The following KCNMA1 variants were observed in gnomAD, a reference collection of about 807,000 sequenced individuals.
KCNMA1 encodes the protein potassium calcium-activated channel subfamily M alpha 1, also known as Calcium-activated potassium channel subunit alpha-1.
KCNMA1 carries 29 observed loss-of-function variants against 140.0 expected under a neutral mutation model. That is an observed-to-expected ratio of 0.21 (90% CI 0.15 to 0.28). The LOEUF is 0.28. KCNMA1 is among the 10% of genes least tolerant of loss of function. The probability of loss-of-function intolerance (pLI) is 1.00; values close to 1 mark genes in which losing one functional copy is unlikely to be tolerated. For missense variants in KCNMA1, 880 were observed against 1,602.2 expected, an observed-to-expected ratio of 0.55 and a Z score of 7.70; for synonymous variants, 612 against 611.9, an observed-to-expected ratio of 1.00 and a Z score of 0.00.
At chr10:76,941,018 G>GAAGGAAGGAAGAAAGA (rs1554960623) in intron 23 of KCNMA1, among the ~76,000 whole-genome samples, 7 of 38,232 alleles carry the variant, frequency 1.8e-4, no homozygotes, top group African/African-American at 6.7e-4. Context: ...AGGAAGGAAG[G>GAAGGAAGGAAGAAAGA]AAGAAAGAAA....
intron 20 of KCNMA1, among the ~76,000 whole-genome samples, chr10:76,954,778 G>T (rs1159758737): frequency 1.3e-5 from 2 of 152,122 alleles, no homozygotes; most frequent in Non-Finnish European, 2.9e-5. Context: ...GCCCTCTATT[G>T]CCTTGTCTAT....
intron 18 of KCNMA1, among the ~76,000 whole-genome samples, chr10:77,003,695 G>A (rs115983427): frequency 3.9e-4 from 60 of 152,210 alleles, no homozygotes; most frequent in African/African-American, 1.3e-3. Context: ...CATTAGCAAC[G>A]GTCCCTGGTT....
At chr10:77,413,633 T>C (rs1440204423) in intron 1 of KCNMA1, among the ~76,000 whole-genome samples, 1 of 152,118 alleles carries the variant, frequency 6.6e-6, no homozygotes, top group African/African-American at 2.4e-5. Context: ...GACCCAGGTC[T>C]TTCCTAGAGC....
intron 1 of KCNMA1, among the ~76,000 whole-genome samples, chr10:77,545,106 C>A (rs1440686005): frequency 6.6e-6 from 1 of 152,158 alleles, no homozygotes; most frequent in Non-Finnish European, 1.5e-5. Context: ...ATGTACTTAA[C>A]TATATGCTAT....
intron 5 of KCNMA1, among the ~76,000 whole-genome samples, chr10:77,158,815 T>TGAGG (rs1430961239): frequency 6.6e-6 from 1 of 152,062 alleles, no homozygotes; most frequent in African/African-American, 2.4e-5. Context: ...TAGCTCTCTT[T>TGAGG]GAGGGAGGGA....
chr10:77,502,031 C>A (rs780278981), intron 1 of KCNMA1, among the ~76,000 whole-genome samples: 1 of 152,202 alleles, frequency 6.6e-6, no homozygotes, highest in Non-Finnish European at 1.5e-5. Context: ...GTATCCCCCT[C>A]CTCTGCCAGG....
intron 1 of KCNMA1, among the ~76,000 whole-genome samples, chr10:77,482,986 TCACA>T (rs1567085317): frequency 1.3e-5 from 1 of 75,418 alleles, no homozygotes; most frequent in Non-Finnish European, 2.4e-5. Context: ...TCTCTCTCTC[TCACA>T]TACACACACA....
intron 23 of KCNMA1, among the ~76,000 whole-genome samples, chr10:76,925,933 C>T (rs1401697828): frequency 6.6e-6 from 1 of 152,246 alleles, no homozygotes; most frequent in African/African-American, 2.4e-5. Flanking sequence ...TTTCAGCCAG[C>T]TATCTCTGAA....
At position 77,007,643 on chromosome 10, in the gene KCNMA1, T is replaced by TTGTGTGTG. The variant is rs148322931; in HGVS notation, c.2092+4316_2092+4323dup. The stretch of plus-strand genomic sequence containing the variant: ...ATACTCTGATACATCATGGTACATA[T>TTGTGTGTG]TGTGTGTGTGTATATATATATATAT... On this transcript the variant is annotated intron_variant, in intron 18 of 27. Coordinates refer to ENST00000286628, the MANE Select transcript of KCNMA1 (RefSeq NM_001161352.2). 1.2e-3 allele frequency among the ~76,000 whole-genome samples: 95 copies of TTGTGTGTG among 79,302 alleles called. 3 individuals carry two copies. Among genetic ancestry groups the TTGTGTGTG allele is most frequent in the African/African-American group, 1.8e-3 (37 of 20,730 alleles). 52.0% of individuals were successfully genotyped at this position (79,302 alleles called of 152,430 possible).
chr10:77,071,218 C>T (rs560658789), intron 14 of KCNMA1: 2 of 152,338 alleles, frequency 1.3e-5, no homozygotes, highest in Admixed American at 1.3e-4. Flanking sequence ...GCTAATAGCA[C>T]TGAAGAATCA....
At chr10:77,372,707 T>G (rs1430462615) in intron 2 of KCNMA1, 3 of 152,210 alleles carry the variant, frequency 2.0e-5, no homozygotes, top group African/African-American at 7.2e-5. Flanking sequence ...ATAATTAGTC[T>G]GGTGGAGAAG....
intron 3 of KCNMA1, among the ~76,000 whole-genome samples, chr10:77,210,100 G>T (rs763619091): frequency 2.0e-5 from 3 of 151,964 alleles, no homozygotes. Flanking sequence ...AGATGGCAGA[G>T]ACACAACAAA....
Position 77,082,309 on chromosome 10 carries a change from A to G in KCNMA1, c.1523+2328T>C, listed in dbSNP as rs545636254. On this transcript the variant is annotated intron_variant, in intron 12 of 27. Transcript: ENST00000286628. Reference sequence around the variant, plus strand: ...CCCAAAGTTCTGGGATTACAGGTGTAAGCCACTGAGCCCCGCCCTTGACCA... The same window carrying G: ...CCCAAAGTTCTGGGATTACAGGTGTGAGCCACTGAGCCCCGCCCTTGACCA... Among the ~76,000 whole-genome samples, 18 of 152,114 alleles carry G rather than the reference A, an allele frequency of 1.2e-4. No homozygotes were observed. In the East Asian group the frequency reaches 2.3e-3, roughly 20 times the overall value.
intron 2 of KCNMA1, among the ~76,000 whole-genome samples, chr10:77,389,589 T>C (rs1224466039): frequency 2.0e-5 from 3 of 152,106 alleles, no homozygotes; most frequent in Non-Finnish European, 4.4e-5. Flanking sequence ...CCACGTTTGA[T>C]ACCAACTAGG....
intron 1 of KCNMA1, among the ~76,000 whole-genome samples, chr10:77,525,254 A>G (rs1284957809): frequency 6.6e-6 from 1 of 152,208 alleles, no homozygotes; most frequent in Admixed American, 6.5e-5. Context: ...AGGCAGTAAG[A>G]ATATGAAAAA....
chr10:77,623,773 A>G (rs2091986671), intron 1 of KCNMA1, among the ~76,000 whole-genome samples: 1 of 152,140 alleles, frequency 6.6e-6, no homozygotes, highest in Admixed American at 6.6e-5. Context: ...ACTATAGTAC[A>G]GAAGAAACAA....
chr10:77,304,085 C>A (rs1266982178), intron 2 of KCNMA1, among the ~76,000 whole-genome samples: 2 of 152,072 alleles, frequency 1.3e-5, no homozygotes, highest in African/African-American at 2.4e-5. Flanking sequence ...GCCATAAGAA[C>A]CACAATGGGT....
At chr10:77,521,942 G>A (rs938429378) in intron 1 of KCNMA1, among the ~76,000 whole-genome samples, 2 of 152,116 alleles carry the variant, frequency 1.3e-5, no homozygotes, top group Non-Finnish European at 2.9e-5. Flanking sequence ...TTGGGAGGTC[G>A]AGGCAGGTAG....
chr10:77,156,094 G>A (rs558017169), intron 5 of KCNMA1, among the ~76,000 whole-genome samples: 1 of 152,092 alleles, frequency 6.6e-6, no homozygotes, highest in South Asian at 2.1e-4. Context: ...CAGGCACGGT[G>A]GCAGGCACCT....
Sources: allele counts gnomAD v4.1 joint callset (sites outside exome capture counted in the v4.1 genomes callset), GRCh38; gene constraint gnomAD v4.1.1; transcripts MANE v1.5; gene names NCBI Gene and HGNC (gene_info 2026-07-23, HGNC 2026-07-21).